CHUK: variants seen among roughly 807,000 people sequenced by gnomAD.
CHUK encodes component of inhibitor of nuclear factor kappa B kinase complex, also known as inhibitor of nuclear factor kappa-B kinase subunit alpha.
A neutral mutation model predicts 104.8 loss-of-function variants in CHUK; 35 were observed. That is an observed-to-expected ratio of 0.33 (90% confidence interval 0.26 to 0.44). CHUK has a LOEUF of 0.44. CHUK is among the 20% of genes least tolerant of loss of function. The pLI, the probability that CHUK is intolerant of heterozygous loss-of-function variation, is 1.00. For missense variants in CHUK, 663 were observed against 902.7 expected (o/e 0.73, Z 3.40); for synonymous variants, 276 against 291.9 (o/e 0.95, Z 0.56).
Position 100,212,654 on chromosome 10 carries a change from C to G in CHUK, c.934-2865G>C, listed in dbSNP as rs547700044. 3.3e-5 allele frequency among the ~76,000 whole-genome samples: 5 copies of G among 152,268 alleles called. No homozygotes were observed. In the East Asian group the frequency reaches 9.6e-4, roughly 29 times the overall value. ...GTACACTTTTTAGTTTGAAGGCCCA[C>G]TATTATTTCCACTTACAAATCCTAA... On this transcript the variant is annotated intron_variant, in intron 9 of 20. Transcript: ENST00000370397.
At chr10:100,215,406 A>G (rs1845831907) in intron 9 of CHUK, among the ~76,000 whole-genome samples, 1 of 152,170 alleles carries the variant, frequency 6.6e-6, no homozygotes, top group Non-Finnish European at 1.5e-5. Flanking sequence ...TATGTAGTTT[A>G]TAAGTAAAGC....
intron 19 of CHUK, among the ~76,000 whole-genome samples, chr10:100,191,802 A>C (rs1290328844): frequency 6.6e-6 from 1 of 152,236 alleles, no homozygotes; most frequent in African/African-American, 2.4e-5. Flanking sequence ...CAGGTACATT[A>C]TAATTGAAAT....
intron 20 of CHUK, chr10:100,190,508 G>A (rs923064505): frequency 3.0e-5 from 8 of 265,540 alleles, no homozygotes; most frequent in Admixed American, 5.0e-5. Context: ...TTTTCTATTC[G>A]GGAGGTACCA....
rs534721765 is a variant in CHUK, at chr10:100,207,602, C to T, written c.1129-270G>A. ...TGAAAAAACTAATCGGTAATCAAAA[C>T]GAATGAAGTACTGATACATGCTACA... On this transcript the variant is annotated intron_variant, in intron 10 of 20. Transcript: ENST00000370397. 3.0e-4 allele frequency among the ~76,000 whole-genome samples: 45 copies of T among 152,110 alleles called. 1 individual carries two copies. Among genetic ancestry groups the T allele is most frequent in the African/African-American group, 1.1e-3 (44 of 41,508 alleles).
rs369725327 is a variant in CHUK, at chr10:100,205,203, T to C, written c.1232-4A>G. Reference sequence around the variant, plus strand: ...AGCTGTATTTTGCTGTCCTGTACTATATACAAGAAGATGAGAAAAAGGGCA... The same window carrying C: ...AGCTGTATTTTGCTGTCCTGTACTACATACAAGAAGATGAGAAAAAGGGCA... On this transcript the variant is annotated splice_polypyrimidine_tract_variant and splice_region_variant and intron_variant, in intron 11 of 20. Coordinates refer to ENST00000370397, the MANE Select transcript of CHUK (RefSeq NM_001278.5). 2 of 1,613,794 alleles carry C rather than the reference T, an allele frequency of 1.2e-6. No individual in the cohort carries two copies. Among genetic ancestry groups the C allele is most frequent in the Non-Finnish European group, 1.7e-6 (2 of 1,179,796 alleles).
chr10:100,210,090 TA>T lies in CHUK; in HGVS notation c.934-302del, dbSNP rs1399833023. Among the ~76,000 whole-genome samples, 965 of 107,764 alleles carry T rather than the reference TA, an allele frequency of 9.0e-3. 8 individuals are homozygous for T. The highest frequency in any genetic ancestry group is 0.028 in the African/African-American group (685 of 24,768). 70.7% of individuals were successfully genotyped at this position (107,764 alleles called of 152,430 possible). A position where few individuals can be genotyped will look rare whatever the true frequency, so the allele number is the denominator to read the frequency against. On this transcript the variant is annotated intron_variant, in intron 9 of 20. Transcript: ENST00000370397. ...TTATTTATTTATTTATTTATTTATT[TA>T]TTTTTTTTTTTTTTGAGACGGAGTC...
intron 18 of CHUK, 165 bp from the exon 19 acceptor site, chr10:100,193,596 C>G: frequency 1.2e-6 from 1 of 801,354 alleles, no homozygotes; most frequent in South Asian, 1.5e-5. Flanking sequence ...CATTAGTAAC[C>G]TGTCCTTGGA....
intron 9 of CHUK, among the ~76,000 whole-genome samples, chr10:100,215,542 T>C (rs898894486): frequency 2.0e-5 from 3 of 152,138 alleles, no homozygotes; most frequent in Admixed American, 1.3e-4. Context: ...AAATAATAAT[T>C]AAATGCTACT....
chr10:100,202,658 T>C (rs553323466), intron 13 of CHUK, among the ~76,000 whole-genome samples: 1 of 152,352 alleles, frequency 6.6e-6, no homozygotes, highest in Admixed American at 6.5e-5. Context: ...ACTCAGTTTA[T>C]GGGATTTTGT....
At chr10:100,197,871 C>G (rs1446889384) in intron 16 of CHUK, among the ~76,000 whole-genome samples, 1 of 151,626 alleles carries the variant, frequency 6.6e-6, no homozygotes. Context: ...AAACAAAAAC[C>G]AAAAAACGAT....
rs1242852063 is a variant in CHUK, at chr10:100,200,014, C to A, written c.1686G>T (p.Gln562His). Reference sequence around the variant, plus strand: ...ACTGCTTATATAGATCAATGGCACGCTGTTCCCTATAAAAGAGAAAACACG... The same window carrying A: ...ACTGCTTATATAGATCAATGGCACGATGTTCCCTATAAAAGAGAAAACACG... ...RQGDLMESLE[Q>H]RAIDLYKQLK... Residue 562 changes from glutamine to histidine, a missense_variant, in exon 16 of 21, where the codon CAG becomes CAT. Around this residue, in one of 5 missense-constraint regions of CHUK, gnomAD observed 311 missense variants for 393.4 expected, o/e 0.79. Transcript: ENST00000370397. 6.2e-7 allele frequency: 1 copy of A among 1,611,440 alleles called. No homozygotes were observed. The highest frequency in any genetic ancestry group is 1.7e-5 in the Admixed American group (1 of 59,986).
chr10:100,228,330 G>A (rs1016791428), intron 1 of CHUK, among the ~76,000 whole-genome samples: 1 of 152,128 alleles, frequency 6.6e-6, no homozygotes, highest in Admixed American at 6.6e-5. Flanking sequence ...CTGGGGAAAG[G>A]GTTCACAGCT....
intron 2 of CHUK, 48 bp downstream of exon 2, chr10:100,225,874 CT>C: frequency 9.7e-7 from 1 of 1,035,624 alleles, no homozygotes; most frequent in African/African-American, 1.6e-5. Flanking sequence ...ATGATGACAT[CT>C]GGTTGGGCTG....
chr10:100,194,241 CTT>C, intron 17 of CHUK, 110 bp from the exon 18 acceptor site: 2 of 1,299,010 alleles, frequency 1.5e-6, no homozygotes, highest in South Asian at 2.4e-5. Flanking sequence ...GATTTAATGA[CTT>C]ATCTCCAAAG....
Position 100,189,590 on chromosome 10 carries a change from G to A in CHUK, c.*8C>T. 6.2e-7 allele frequency: 1 copy of A among 1,610,456 alleles called. No individual in the cohort carries two copies. Among genetic ancestry groups the A allele is most frequent in the Non-Finnish European group, 8.5e-7 (1 of 1,176,742 alleles). ...CCATAGGTTTGGGGACAGTGAACAA[G>A]TGACAACTCATTCTGTTAACCAACT... On this transcript the variant is annotated 3_prime_UTR_variant, in exon 21 of 21. Transcript: ENST00000370397.
chr10:100,218,415 G>A (rs2134243037), intron 8 of CHUK, among the ~76,000 whole-genome samples: 1 of 152,244 alleles, frequency 6.6e-6, no homozygotes, highest in African/African-American at 2.4e-5. Context: ...AGCCTTCTTA[G>A]GACATATGTC....
At chr10:100,206,388 T>C (rs1845591646) in intron 11 of CHUK, among the ~76,000 whole-genome samples, 1 of 151,872 alleles carries the variant, frequency 6.6e-6, no homozygotes, top group South Asian at 2.1e-4. Context: ...ATGTTAACAA[T>C]AGGAAAAACT....
chr10:100,193,309 A>C lies in CHUK; in HGVS notation c.2097T>G (p.Thr699=). Residue 699 remains threonine, a synonymous_variant, in exon 19 of 21, where the codon ACT becomes ACG. Transcript: ENST00000370397. ...EHDHSLSCVV[T]PQDGETSAQM... is the part of the protein sequence containing the mutation. The stretch of plus-strand genomic sequence containing the variant: ...CAAAGTAAACCCACCCATCTTGAGG[A>C]GTTACCACACATGACAGAGAATGAT... 6.2e-7 allele frequency: 1 copy of C among 1,614,124 alleles called. No homozygotes were observed. Among genetic ancestry groups the C allele is most frequent in the East Asian group, 2.2e-5 (1 of 44,886 alleles).
intron 7 of CHUK, 22 bp downstream of exon 7, chr10:100,218,986 C>T: frequency 6.2e-7 from 1 of 1,613,686 alleles, no homozygotes; most frequent in Non-Finnish European, 8.5e-7. Context: ...TAAGCATGCC[C>T]AAGTTCTCAT....
Sources: allele counts gnomAD v4.1 joint callset (sites outside exome capture counted in the v4.1 genomes callset), GRCh38; gene constraint gnomAD v4.1.1; regional missense constraint gnomAD v4.1.1; transcripts MANE v1.5; gene names NCBI Gene and HGNC (gene_info 2026-07-23, HGNC 2026-07-21).